Variants in NECTIN3 observed in about 807,000 individuals in gnomAD.
NECTIN3 encodes nectin-3.
NECTIN3 carries 8 observed loss-of-function variants against 49.4 expected under a neutral mutation model. The observed-to-expected ratio is 0.16, with a 90% CI of 0.10 to 0.29. The LOEUF is 0.29. NECTIN3 is among the 10% of genes least tolerant of loss of function. The pLI is 1.00. For synonymous variants in NECTIN3, 277 were observed against 241.1 expected, an observed-to-expected ratio of 1.15 and a Z score of -1.38; for missense variants, 581 against 654.6, an observed-to-expected ratio of 0.89 and a Z score of 1.23.
At chr3:111,094,955 CT>C (rs956295922) in intron 1 of NECTIN3, among the ~76,000 whole-genome samples, 1 of 151,964 alleles carries the variant, frequency 6.6e-6, no homozygotes, top group Non-Finnish European at 1.5e-5. Flanking sequence ...TGCAGGAAGT[CT>C]TTTTTTTCAA....
At chr3:111,092,630 ACTGTT>A (rs75785749) in intron 1 of NECTIN3, among the ~76,000 whole-genome samples, 107,190 of 151,786 alleles carry the variant, frequency 0.71, 43,523 homozygotes, top group Non-Finnish European at 0.93. Flanking sequence ...TGGACTCAGT[ACTGTT>A]CTGTTGATTC....
chr3:111,118,720 A>T lies in NECTIN3; in HGVS notation c.567A>T (p.Val189=). 1 of 1,614,064 alleles carries T rather than the reference A, an allele frequency of 6.2e-7. No individual in the cohort carries two copies. The highest frequency in any genetic ancestry group is 2.2e-5 in the East Asian group (1 of 44,872). Residue 189 remains valine, a synonymous_variant, in exon 3 of 6, where the codon GTA becomes GTT. Coordinates refer to ENST00000485303, the MANE Select transcript of NECTIN3 (RefSeq NM_015480.3). ...TAATTGATGGAGGAAATGAAACAGT[A>T]GCAGCCATTTGCATCGCAGCCACTG... ...DSLIDGGNET[V]AAICIAATGK...
upstream of NECTIN3, among the ~76,000 whole-genome samples, chr3:111,191,573 A>C (rs974794386): frequency 6.6e-6 from 1 of 151,984 alleles, no homozygotes; most frequent in African/African-American, 2.4e-5. Flanking sequence ...TTTGAAAATG[A>C]ACTCCCTTTG....
rs1256197093 is a variant in NECTIN3, at chr3:111,071,996, C to G, written c.-22C>G. The G allele has an allele frequency of 7.9e-6, 9 of 1,145,514 alleles. No individual in the cohort carries two copies. The African/African-American group carries it at 8.6e-5, about 11-fold the overall frequency. 71.0% of individuals were successfully genotyped at this position (1,145,514 alleles called of 1,614,324 possible). A position where few individuals can be genotyped will look rare whatever the true frequency, so the allele number is the denominator to read the frequency against. On this transcript the variant is annotated 5_prime_UTR_variant, in exon 1 of 6. Coordinates refer to ENST00000485303, the MANE Select transcript of NECTIN3 (RefSeq NM_015480.3). The stretch of plus-strand genomic sequence containing the variant: ...GGGAGCCGGGGGGCGGGCGGGCGAG[C>G]GGGCCGGGGGGAGGGTGGGGGATGG...
intron 1 of NECTIN3, among the ~76,000 whole-genome samples, chr3:111,097,591 A>G (rs1161542827): frequency 2.0e-5 from 3 of 152,160 alleles, no homozygotes; most frequent in African/African-American, 7.2e-5. Context: ...TAATTGAATC[A>G]TGGGGGCAGA....
intron 5 of NECTIN3, among the ~76,000 whole-genome samples, chr3:111,129,501 A>G (rs1265636456): frequency 6.6e-6 from 1 of 152,194 alleles, no homozygotes; most frequent in African/African-American, 2.4e-5. Flanking sequence ...GCATGAATGA[A>G]TAAATTTGAG....
At chr3:111,139,779 GTC>G (rs2034694000), downstream of NECTIN3, among the ~76,000 whole-genome samples, 1 of 151,582 alleles carries the variant, frequency 6.6e-6, no homozygotes, top group Non-Finnish European at 1.5e-5. Context: ...TTCAAAATTA[GTC>G]TGTACTCCTA....
intron 1 of NECTIN3, among the ~76,000 whole-genome samples, chr3:111,111,289 A>T (rs547098933): frequency 2.0e-5 from 3 of 152,294 alleles, no homozygotes; most frequent in Non-Finnish European, 2.9e-5. Context: ...ATATTGAAGA[A>T]GTTTGATGTC....
At chr3:111,082,075 G>C (rs2031641913) in intron 1 of NECTIN3, among the ~76,000 whole-genome samples, 1 of 152,206 alleles carries the variant, frequency 6.6e-6, no homozygotes, top group South Asian at 2.1e-4. Flanking sequence ...GGGATTTGAA[G>C]GGAGGCTTGG....
At chr3:111,146,704 T>C (rs2034884569) in intron 6 of NECTIN3, among the ~76,000 whole-genome samples, 1 of 152,148 alleles carries the variant, frequency 6.6e-6, no homozygotes, top group Non-Finnish European at 1.5e-5. Context: ...TAAGCACAAG[T>C]ACTGAAAATG....
rs946459766 is a variant in NECTIN3 at position 111,135,151 on chromosome 3, T to C, written c.*936T>C. Reference sequence around the variant, plus strand: ...CAGCCAACAATCTATAGAAAGAATTTTATGGACCATCTTGTTTTAGTTATT... The same window carrying C: ...CAGCCAACAATCTATAGAAAGAATTCTATGGACCATCTTGTTTTAGTTATT... On this transcript the variant is annotated 3_prime_UTR_variant, in exon 6 of 6. Transcript: ENST00000485303. 26 of 982,126 alleles carry C rather than the reference T, an allele frequency of 2.6e-5. No homozygotes were observed. The highest frequency in any genetic ancestry group is 3.0e-5 in the Non-Finnish European group (25 of 827,136). 60.8% of individuals were successfully genotyped at this position (982,126 alleles called of 1,614,324 possible).
chr3:111,112,465 C>A, intron 2 of NECTIN3, 94 bp downstream of exon 2: 1 of 828,000 alleles, frequency 1.2e-6, no homozygotes, highest in Non-Finnish European at 1.8e-6. Flanking sequence ...TTTGATTTAA[C>A]TTTAGGTTTA....
chr3:111,178,776 T>C, intron 7 of NECTIN3, among the ~76,000 whole-genome samples: 1 of 152,216 alleles, frequency 6.6e-6, no homozygotes, highest in Middle Eastern at 3.2e-3. Context: ...CTGGATATAC[T>C]CAAGATGGGA....
At chr3:111,084,366 T>G (rs1245291173) in intron 1 of NECTIN3, among the ~76,000 whole-genome samples, 2 of 152,192 alleles carry the variant, frequency 1.3e-5, no homozygotes, top group African/African-American at 4.8e-5. Context: ...AACATGGACT[T>G]GTGAAACGTG....
intron 7 of NECTIN3, among the ~76,000 whole-genome samples, chr3:111,164,171 A>C (rs957492248): frequency 2.0e-5 from 3 of 152,188 alleles, no homozygotes; most frequent in Non-Finnish European, 4.4e-5. Context: ...TAGTTTTAAG[A>C]GCCAGTTTTT....
intron 7 of NECTIN3, among the ~76,000 whole-genome samples, chr3:111,178,524 C>T (rs763106424): frequency 2.6e-5 from 4 of 152,188 alleles, no homozygotes; most frequent in Non-Finnish European, 4.4e-5. Flanking sequence ...GAATGGGAAA[C>T]TCTCAGAGTC....
chr3:111,137,438 G>A lies in NECTIN3; in HGVS notation c.*3223G>A. ...AAGTTTTGGTTTTGTTGTGTTTGGT[G>A]TTTTTTGTTTTGTTTTGTTTTGTTT... On this transcript the variant is annotated 3_prime_UTR_variant, in exon 6 of 6. Coordinates refer to ENST00000485303, the MANE Select transcript of NECTIN3 (RefSeq NM_015480.3). 7 of 949,392 alleles carry A rather than the reference G, an allele frequency of 7.4e-6. No individual in the cohort carries two copies. Among genetic ancestry groups the A allele is most frequent in the Non-Finnish European group, 8.8e-6 (7 of 799,218 alleles). The allele number at this position is 949,392 out of a possible 1,614,324, so 58.8% of individuals were successfully genotyped here. A position where few individuals can be genotyped will look rare whatever the true frequency, so the allele number is the denominator to read the frequency against.
chr3:111,176,485 G>T (rs543648147), intron 7 of NECTIN3, among the ~76,000 whole-genome samples: 3 of 152,232 alleles, frequency 2.0e-5, no homozygotes, highest in African/African-American at 7.2e-5. Flanking sequence ...GCCAAATTGA[G>T]ACTACAGTTA....
intron 1 of NECTIN3, among the ~76,000 whole-genome samples, chr3:111,084,863 A>G (rs771388996): frequency 6.6e-6 from 1 of 152,248 alleles, no homozygotes; most frequent in Non-Finnish European, 1.5e-5. Flanking sequence ...GTGGGCTGCC[A>G]TAACAAAATG....
Sources: allele counts gnomAD v4.1 joint callset (sites outside exome capture counted in the v4.1 genomes callset), GRCh38; gene constraint gnomAD v4.1.1; transcripts MANE v1.5; gene names NCBI Gene and HGNC (gene_info 2026-07-23, HGNC 2026-07-21).